Variants in MAPKAPK5 observed in about 807,000 individuals in gnomAD.
The protein encoded by MAPKAPK5 is MAP kinase-activated protein kinase 5.
MAPKAPK5 carries 30 observed loss-of-function variants against 65.1 expected under a neutral mutation model. That is an observed-to-expected ratio of 0.46 (90% confidence interval 0.34 to 0.63). MAPKAPK5 has a LOEUF of 0.63. Among genes scored for constraint, MAPKAPK5 ranks in the 20% least tolerant of loss-of-function variants. The pLI, the probability that MAPKAPK5 is intolerant of heterozygous loss-of-function variation, is 0.01. For missense variants in MAPKAPK5, 433 were observed against 581.4 expected (o/e 0.74, Z 2.63); for synonymous variants, 179 against 204.6 (o/e 0.87, Z 1.07).
intron 1 of MAPKAPK5, among the ~76,000 whole-genome samples, chr12:111,851,451 G>A (rs145723455): frequency 6.6e-6 from 1 of 152,050 alleles, no homozygotes; most frequent in Non-Finnish European, 1.5e-5. Context: ...TCAGCCTCTC[G>A]AGAAGCTGGA....
intron 11 of MAPKAPK5, 62 bp from the exon 12 acceptor site, chr12:111,888,823 T>A: frequency 5.0e-6 from 8 of 1,587,416 alleles, no homozygotes; most frequent in Non-Finnish European, 6.0e-6. Context: ...AGAGGTAATA[T>A]CTGTCCAGAG....
At chr12:111,867,121 T>G (rs1053997108) in intron 3 of MAPKAPK5, among the ~76,000 whole-genome samples, 2 of 151,690 alleles carry the variant, frequency 1.3e-5, no homozygotes, top group African/African-American at 4.8e-5. Context: ...TTTGTAGACA[T>G]GGGGTTTTGC....
At chr12:111,874,170 G>A (rs191342528) in intron 7 of MAPKAPK5, among the ~76,000 whole-genome samples, 3 of 152,148 alleles carry the variant, frequency 2.0e-5, no homozygotes, top group Admixed American at 6.5e-5. Flanking sequence ...TGAGGCAGGC[G>A]GATCACCTGA....
chr12:111,890,681 G>A lies in MAPKAPK5; in HGVS notation c.1321+537G>A, dbSNP rs186918097. On this transcript the variant is annotated intron_variant, in intron 13 of 13. Coordinates refer to ENST00000550735, the MANE Select transcript of MAPKAPK5 (RefSeq NM_003668.4). ...TGAACTGCCTTGTTTTTCTTGAGGCGGAGTTTCACTCTGTCCCTCAGGCTG... is the reference window on the plus strand; with the variant it reads ...TGAACTGCCTTGTTTTTCTTGAGGCAGAGTTTCACTCTGTCCCTCAGGCTG... 1.1e-3 allele frequency among the ~76,000 whole-genome samples: 162 copies of A among 152,206 alleles called. 1 individual carries two copies. Among genetic ancestry groups the A allele is most frequent in the African/African-American group, 3.8e-3 (156 of 41,546 alleles).
At chr12:111,870,891 C>T (rs1020012784) in intron 6 of MAPKAPK5, among the ~76,000 whole-genome samples, 194 bp from the exon 7 acceptor site, 1 of 152,158 alleles carries the variant, frequency 6.6e-6, no homozygotes, top group Non-Finnish European at 1.5e-5. Flanking sequence ...GAATTCCTTA[C>T]TTCTGCATTA....
intron 5 of MAPKAPK5, among the ~76,000 whole-genome samples, chr12:111,869,448 G>A (rs2136111441): frequency 6.6e-6 from 1 of 152,290 alleles, no homozygotes; most frequent in South Asian, 2.1e-4. Context: ...TTGCAGAGGT[G>A]AAAAGCTAAA....
intron 1 of MAPKAPK5, among the ~76,000 whole-genome samples, chr12:111,851,013 C>G (rs926314224): frequency 1.3e-5 from 2 of 151,858 alleles, no homozygotes; most frequent in Admixed American, 1.3e-4. Flanking sequence ...ATTCTCCTGC[C>G]TCAGCCTCCC....
Position 111,890,241 on chromosome 12 carries a change from T to A in MAPKAPK5, c.1321+97T>A, listed in dbSNP as rs1332142236. On this transcript the variant is annotated intron_variant, in intron 13 of 13. Coordinates refer to ENST00000550735, the MANE Select transcript of MAPKAPK5 (RefSeq NM_003668.4). The stretch of plus-strand genomic sequence containing the variant: ...TTTGGGGCCTGAGCTGCGGCTGTTT[T>A]GAAGTGAAGTGAGGCTGGCTGGAGA... 4.6e-6 allele frequency: 4 copies of A among 876,134 alleles called. No homozygotes were observed. In the East Asian group the frequency reaches 1.1e-4, roughly 23 times the overall value. 54.3% of individuals were successfully genotyped at this position (876,134 alleles called of 1,614,324 possible).
intron 1 of MAPKAPK5, among the ~76,000 whole-genome samples, chr12:111,845,649 C>A (rs138189826): frequency 6.6e-6 from 1 of 152,178 alleles, no homozygotes; most frequent in South Asian, 2.1e-4. Context: ...AGGCCAGGCA[C>A]GGTGGCTCAC....
At chr12:111,859,091 G>C (rs1326844763) in intron 1 of MAPKAPK5, among the ~76,000 whole-genome samples, 1 of 147,154 alleles carries the variant, frequency 6.8e-6, no homozygotes, top group African/African-American at 2.5e-5. Context: ...TTTTTCCTGA[G>C]CTTAGGTGAC....
intron 7 of MAPKAPK5, among the ~76,000 whole-genome samples, chr12:111,878,123 G>A (rs1452123575): frequency 6.6e-6 from 1 of 151,554 alleles, no homozygotes; most frequent in Non-Finnish European, 1.5e-5. Flanking sequence ...TTCTTTAACA[G>A]TGTCTTTTGA....
At chr12:111,846,800 A>G (rs1251289060) in intron 1 of MAPKAPK5, among the ~76,000 whole-genome samples, 2 of 152,050 alleles carry the variant, frequency 1.3e-5, no homozygotes, top group Non-Finnish European at 2.9e-5. Context: ...CCTGGCTCTC[A>G]TAAGTTTCAA....
In MAPKAPK5 at chr12:111,897,207, G is replaced by C. The variant is rs2070852083; in HGVS notation, c.*4146G>C. 1 of 152,266 alleles carries C rather than the reference G, an allele frequency of 6.6e-6. No homozygotes were observed. Among genetic ancestry groups the C allele is most frequent in the African/African-American group, 2.4e-5 (1 of 41,464 alleles). 9.4% of individuals were successfully genotyped at this position (152,266 alleles called of 1,614,324 possible). On this transcript the variant is annotated 3_prime_UTR_variant, in exon 14 of 14. Transcript: ENST00000550735. ...GCTCCTGGGCTCAAGCAATCCTCCT[G>C]CCTCAGCCTTCTAAGTAGCTGGGAC...
At chr12:111,887,290 G>A (rs1292063174) in intron 10 of MAPKAPK5, among the ~76,000 whole-genome samples, 1 of 152,176 alleles carries the variant, frequency 6.6e-6, no homozygotes, top group African/African-American at 2.4e-5. Context: ...TCTTCCTGTT[G>A]TCCAGAAATG....
At position 111,882,781 on chromosome 12, in the gene MAPKAPK5, TC is replaced by T. The variant is rs942464281; in HGVS notation, c.661-797del. On this transcript the variant is annotated intron_variant, in intron 8 of 13. Transcript: ENST00000550735. ...GGAATGCATTTAGACCTTCTGTTCT[TC>T]CCTCCAGTCCTCTCCATGATCTGTG... The T allele has an allele frequency of 6.1e-6, 6 of 985,254 alleles. No individual in the cohort carries two copies. The African/African-American group carries it at 8.7e-5, about 14-fold the overall frequency. 61.0% of individuals were successfully genotyped at this position (985,254 alleles called of 1,614,324 possible). A position where few individuals can be genotyped will look rare whatever the true frequency, so the allele number is the denominator to read the frequency against.
rs79566649 is a variant in MAPKAPK5 at position 111,846,821 on chromosome 12, A to G, written c.36+4052A>G. On this transcript the variant is annotated intron_variant, in intron 1 of 13. Transcript: ENST00000550735. ...TCTCATAAGTTTCAAATTAAGCACT[A>G]TTCTTTGTAGTGTAATGAAATCTCT... Among the ~76,000 whole-genome samples the G allele has an allele frequency of 1.0e-3, 155 of 152,228 alleles. 3 individuals are homozygous for G. The East Asian group carries it at 0.028, about 28-fold the overall frequency.
rs1244135417 is a variant in MAPKAPK5, at chr12:111,901,359, G to C, written c.*8298G>C. The C allele has an allele frequency of 4.4e-6, 2 of 455,958 alleles. No individual in the cohort carries two copies. The highest frequency in any genetic ancestry group is 8.8e-6 in the Non-Finnish European group (2 of 226,810). 28.2% of individuals were successfully genotyped at this position (455,958 alleles called of 1,614,324 possible). On this transcript the variant is annotated 3_prime_UTR_variant, in exon 14 of 14. Coordinates refer to ENST00000550735, the MANE Select transcript of MAPKAPK5 (RefSeq NM_003668.4). ...TGACTGTGTTACTGCAGGAAGTGGA[G>C]GTAGTGTGGACAGTGGCCCTCCTGG... is the stretch of plus-strand genomic sequence containing the variant.
intron 10 of MAPKAPK5, among the ~76,000 whole-genome samples, chr12:111,886,763 T>C (rs1178590201): frequency 1.3e-5 from 2 of 152,154 alleles, no homozygotes; most frequent in South Asian, 2.1e-4. Flanking sequence ...TGAGAGGCCA[T>C]AGTAGCTTTT....
chr12:111,880,561 A>T, intron 8 of MAPKAPK5, 34 bp downstream of exon 8: 16 of 1,585,144 alleles, frequency 1.0e-5, no homozygotes, highest in Middle Eastern at 1.7e-4. Context: ...CATTTGACAG[A>T]TGCAGCCCCT....
Sources: gnomAD v4.1 joint callset for allele counts (sites outside exome capture counted in the v4.1 genomes callset) on GRCh38, gnomAD v4.1.1 for gene constraint, MANE v1.5 for transcripts, NCBI Gene and HGNC (gene_info 2026-07-23, HGNC 2026-07-21) for gene names.